The following SYN3 variants were observed in gnomAD, a reference collection of about 807,000 sequenced individuals.
SYN3 encodes the protein synapsin III, also known as synapsin-3.
A neutral mutation model predicts 65.8 loss-of-function variants in SYN3; 35 were observed. The observed-to-expected ratio is 0.53, with a 90% confidence interval of 0.41 to 0.70. SYN3 has a LOEUF of 0.70. SYN3 is among the 30% of genes least tolerant of loss of function. The pLI, the probability that SYN3 is intolerant of heterozygous loss-of-function variation, is 0.00. For synonymous variants in SYN3, 270 were observed against 292.9 expected, an observed-to-expected ratio of 0.92 and a Z score of 0.80; for missense variants, 680 against 749.0, an observed-to-expected ratio of 0.91 and a Z score of 1.08.
rs898903253 is a variant in SYN3, at chr22:32,902,620, A to G, written c.461+28770T>C. ...AATAAATGGTAGAGCTGTTCACTCC[A>G]AAGCATTCACACCAGCTTCTGAGAA... On this transcript the variant is annotated intron_variant, in intron 4 of 13. Transcript: ENST00000358763. Among the ~76,000 whole-genome samples, 4 of 152,336 alleles carry G rather than the reference A, an allele frequency of 2.6e-5. No homozygotes were observed. In the East Asian group the frequency reaches 7.7e-4, roughly 29 times the overall value.
intron 6 of SYN3, among the ~76,000 whole-genome samples, chr22:32,820,353 C>CGTGTGT (rs35230068): frequency 2.9e-4 from 41 of 141,782 alleles, no homozygotes; most frequent in East Asian, 2.1e-3. Context: ...CATTCCACTG[C>CGTGTGT]GTGTGTGTGT....
At chr22:32,572,433 T>C in intron 7 of SYN3, among the ~76,000 whole-genome samples, 1 of 105,306 alleles carries the variant, frequency 9.5e-6, no homozygotes, top group African/African-American at 4.1e-5. Context: ...CTTCCTTCCT[T>C]CCTTCCCTCC....
chr22:32,642,839 G>A (rs891848352), intron 6 of SYN3, among the ~76,000 whole-genome samples: 1 of 152,034 alleles, frequency 6.6e-6, no homozygotes, highest in Non-Finnish European at 1.5e-5. Context: ...TTACAGGCTT[G>A]AGCCACTGTG....
intron 9 of SYN3, among the ~76,000 whole-genome samples, chr22:32,535,535 C>T (rs2146199794): frequency 6.6e-6 from 1 of 152,288 alleles, no homozygotes; most frequent in East Asian, 1.9e-4. Context: ...TCGTTTTTGG[C>T]CCCAGTGGCT....
At chr22:32,934,907 G>A (rs558485771) in intron 3 of SYN3, among the ~76,000 whole-genome samples, 1 of 152,276 alleles carries the variant, frequency 6.6e-6, no homozygotes, top group African/African-American at 2.4e-5. Flanking sequence ...GAAGATCATG[G>A]GAAGATGGCA....
chr22:32,988,331 T>C (rs7364286), intron 2 of SYN3, among the ~76,000 whole-genome samples: 7,906 of 145,752 alleles, frequency 0.054, 701 homozygotes, highest in African/African-American at 0.18. Flanking sequence ...ATAATAATAA[T>C]AATAATAATA....
chr22:32,703,271 T>G (rs1223605184), intron 6 of SYN3, among the ~76,000 whole-genome samples: 3 of 152,194 alleles, frequency 2.0e-5, no homozygotes, highest in African/African-American at 7.2e-5. Flanking sequence ...ACAGTGACAA[T>G]TCACTGGGAA....
In SYN3 at chr22:32,521,688, C is replaced by T. The variant is rs542618578; in HGVS notation, c.1319-3354G>A. Among the ~76,000 whole-genome samples, 20 of 152,222 alleles carry T rather than the reference C, an allele frequency of 1.3e-4. No individual in the cohort carries two copies. The East Asian group carries it at 3.3e-3, about 25-fold the overall frequency. ...GTCTCGAACTCCTGACCTTGTGATT[C>T]GCCCACCTCAGCCTCCCAAAGTGCT... On this transcript the variant is annotated intron_variant, in intron 12 of 13. Coordinates refer to ENST00000358763, the MANE Select transcript of SYN3 (RefSeq NM_003490.4).
intron 6 of SYN3, among the ~76,000 whole-genome samples, chr22:32,833,408 C>G (rs2047635764): frequency 6.6e-6 from 1 of 152,130 alleles, no homozygotes; most frequent in East Asian, 1.9e-4. Flanking sequence ...GGGAAGCAGT[C>G]CAAAGGAGAA....
chr22:32,551,462 C>A (rs975072435), intron 7 of SYN3, among the ~76,000 whole-genome samples: 23 of 150,628 alleles, frequency 1.5e-4, no homozygotes, highest in African/African-American at 5.4e-4. Context: ...TGCCATTGGC[C>A]AAATTAGCAT....
chr22:32,910,481 AT>A (rs2146577088), intron 4 of SYN3, among the ~76,000 whole-genome samples: 1 of 152,240 alleles, frequency 6.6e-6, no homozygotes, highest in East Asian at 1.9e-4. Context: ...TAGCCTGCTG[AT>A]AACAGCAATG....
intron 6 of SYN3, among the ~76,000 whole-genome samples, chr22:32,641,400 A>C (rs953366294): frequency 1.3e-5 from 2 of 151,892 alleles, no homozygotes; most frequent in South Asian, 4.2e-4. Flanking sequence ...TGAGGTCAGG[A>C]GATCGAGACC....
chr22:32,679,839 CTTTTT>C lies in SYN3; in HGVS notation c.712-83108_712-83104del, dbSNP rs747116076. On this transcript the variant is annotated intron_variant, in intron 6 of 13. Coordinates refer to ENST00000358763, the MANE Select transcript of SYN3 (RefSeq NM_003490.4). The stretch of plus-strand genomic sequence containing the variant: ...AAACTGGGTGAGGTTTGTTTTTTGG[CTTTTT>C]TTTTTTTTTTTTTTGCTATTGAGTT... Among the ~76,000 whole-genome samples, 13 of 39,154 alleles carry C rather than the reference CTTTTT, an allele frequency of 3.3e-4. 1 individual carries two copies. The highest frequency in any genetic ancestry group is 5.6e-4 in the Non-Finnish European group (12 of 21,566). 25.7% of individuals were successfully genotyped at this position (39,154 alleles called of 152,430 possible). A position where few individuals can be genotyped will look rare whatever the true frequency, so the allele number is the denominator to read the frequency against.
chr22:32,748,370 A>C lies in SYN3; in HGVS notation c.711+116545T>G, dbSNP rs141747935. 8.3e-3 allele frequency among the ~76,000 whole-genome samples: 1,260 copies of C among 152,344 alleles called. 21 individuals are homozygous for C. The highest frequency in any genetic ancestry group is 0.029 in the African/African-American group (1,218 of 41,572). ...GTAAGTTGTATAACTTTGTACAGAC[A>C]GCAACCTCTCTGAGCTTCAGGTTCC... On this transcript the variant is annotated intron_variant, in intron 6 of 13. Transcript: ENST00000358763.
intron 6 of SYN3, among the ~76,000 whole-genome samples, chr22:32,604,537 AG>A (rs1569083083): frequency 8.8e-6 from 1 of 113,746 alleles, no homozygotes; most frequent in African/African-American, 3.4e-5. Flanking sequence ...GTCTCCGCTG[AG>A]ATACCCTCCC....
chr22:32,576,044 G>C (rs1359527748), intron 7 of SYN3, among the ~76,000 whole-genome samples: 3 of 152,066 alleles, frequency 2.0e-5, no homozygotes, highest in Non-Finnish European at 4.4e-5. Flanking sequence ...GGCTGGTGAG[G>C]GGGTAATATC....
At chr22:32,857,091 G>A (rs893866976) in intron 6 of SYN3, among the ~76,000 whole-genome samples, 2 of 152,150 alleles carry the variant, frequency 1.3e-5, no homozygotes, top group Non-Finnish European at 2.9e-5. Flanking sequence ...TTCATATCTT[G>A]GCTATTGTGA....
intron 6 of SYN3, among the ~76,000 whole-genome samples, chr22:32,774,280 T>A (rs1396069300): frequency 6.6e-6 from 1 of 152,058 alleles, no homozygotes; most frequent in Non-Finnish European, 1.5e-5. Flanking sequence ...TAGAATGAAG[T>A]CAGTGGATTA....
At chr22:32,943,508 G>C (rs2051005207) in intron 3 of SYN3, among the ~76,000 whole-genome samples, 1 of 152,216 alleles carries the variant, frequency 6.6e-6, no homozygotes, top group African/African-American at 2.4e-5. Context: ...AAAATGTAAA[G>C]ACCATCGATG....
Sources: allele counts gnomAD v4.1 joint callset (sites outside exome capture counted in the v4.1 genomes callset), GRCh38; gene constraint gnomAD v4.1.1; transcripts MANE v1.5; gene names NCBI Gene and HGNC (gene_info 2026-07-23, HGNC 2026-07-21).